The following NRXN1 variants were observed in gnomAD, a reference collection of about 807,000 sequenced individuals.
The protein encoded by NRXN1 is neurexin-1.
In NRXN1, 39 loss-of-function variants were observed where a neutral mutation model predicts 150.9. The ratio of observed to expected loss-of-function variants is 0.26; its 90% CI spans 0.20 to 0.34. The LOEUF is 0.34. Ranked by LOEUF, NRXN1 falls within the 10% of genes least tolerant of loss-of-function variation. The probability of loss-of-function intolerance (pLI) is 1.00; values close to 1 mark genes in which losing one functional copy is unlikely to be tolerated. For missense variants in NRXN1, 1,815 were observed against 1,949.9 expected (o/e 0.93, Z 1.30); for synonymous variants, 924 against 757.0 (o/e 1.22, Z -3.62).
chr2:50,369,290 A>T (rs2079833632), intron 17 of NRXN1, among the ~76,000 whole-genome samples: 1 of 152,052 alleles, frequency 6.6e-6, no homozygotes, highest in South Asian at 2.1e-4. Context: ...AATGTGTATT[A>T]TATATAGCCT....
At chr2:50,145,668 G>A (rs1344001846) in intron 18 of NRXN1, among the ~76,000 whole-genome samples, 1 of 151,658 alleles carries the variant, frequency 6.6e-6, no homozygotes, top group Non-Finnish European at 1.5e-5. Context: ...CAAATGGCTT[G>A]AGTGTGACAA....
At chr2:50,249,934 G>A (rs1427763695) in intron 17 of NRXN1, among the ~76,000 whole-genome samples, 1 of 151,978 alleles carries the variant, frequency 6.6e-6, no homozygotes, top group Non-Finnish European at 1.5e-5. Flanking sequence ...CACCGTGCCT[G>A]GCCCAGATTT....
intron 5 of NRXN1, among the ~76,000 whole-genome samples, chr2:50,652,646 A>G (rs1232666504): frequency 6.6e-6 from 1 of 152,066 alleles, no homozygotes; most frequent in Non-Finnish European, 1.5e-5. Flanking sequence ...TGCTGCTGCT[A>G]TGCTGTGAAC....
chr2:50,588,462 G>T (rs924691137), intron 8 of NRXN1, among the ~76,000 whole-genome samples: 1 of 152,060 alleles, frequency 6.6e-6, no homozygotes, highest in East Asian at 1.9e-4. Flanking sequence ...TGACAGTATA[G>T]GAAGTAACTA....
chr2:50,383,693 C>G (rs1311739056), intron 17 of NRXN1, among the ~76,000 whole-genome samples: 2 of 152,130 alleles, frequency 1.3e-5, no homozygotes, highest in Non-Finnish European at 2.9e-5. Context: ...CTGGTACTCC[C>G]TGAAAATAAT....
At chr2:50,987,235 A>G (rs1279488539) in intron 2 of NRXN1, among the ~76,000 whole-genome samples, 1 of 151,986 alleles carries the variant, frequency 6.6e-6, no homozygotes. Flanking sequence ...CCAATTTTAA[A>G]GATTTTCTAT....
At chr2:50,728,864 G>C (rs966651760) in intron 5 of NRXN1, among the ~76,000 whole-genome samples, 2 of 152,160 alleles carry the variant, frequency 1.3e-5, no homozygotes, top group Non-Finnish European at 2.9e-5. Flanking sequence ...TATAGAGCTA[G>C]TGTATTTACC....
chr2:50,173,831 G>T (rs1006981297), intron 18 of NRXN1, among the ~76,000 whole-genome samples: 4 of 152,134 alleles, frequency 2.6e-5, no homozygotes, highest in Admixed American at 2.6e-4. Context: ...GTAACAAGTA[G>T]TCCTAAATCA....
chr2:50,335,600 T>C (rs2077132500), intron 17 of NRXN1, among the ~76,000 whole-genome samples: 1 of 152,174 alleles, frequency 6.6e-6, no homozygotes, highest in African/African-American at 2.4e-5. Context: ...GAAAAAAATA[T>C]TCAACACTAA....
At chr2:50,015,041 T>G (rs988534091) in intron 21 of NRXN1, among the ~76,000 whole-genome samples, 3 of 152,184 alleles carry the variant, frequency 2.0e-5, no homozygotes, top group African/African-American at 7.2e-5. Context: ...TTTTGTTGTA[T>G]CTAACCTTAA....
intron 17 of NRXN1, among the ~76,000 whole-genome samples, chr2:50,406,006 G>C (rs995236117): frequency 6.6e-6 from 1 of 152,132 alleles, no homozygotes; most frequent in African/African-American, 2.4e-5. Flanking sequence ...ATTTGTCCAA[G>C]ATCATGCAGC....
intron 17 of NRXN1, among the ~76,000 whole-genome samples, chr2:50,272,902 T>C (rs1351936108): frequency 6.6e-6 from 1 of 151,926 alleles, no homozygotes; most frequent in East Asian, 1.9e-4. Flanking sequence ...AAAAATGAAT[T>C]TGTAATACAT....
intron 18 of NRXN1, chr2:50,207,750 T>G (rs1484506154): frequency 6.0e-6 from 1 of 167,326 alleles, no homozygotes; most frequent in African/African-American, 2.4e-5. Flanking sequence ...TTCTAATAAT[T>G]GTTCTAATCC....
chr2:50,920,047 C>G (rs760606047), intron 5 of NRXN1: 2 of 360,186 alleles, frequency 5.6e-6, no homozygotes, highest in Non-Finnish European at 1.2e-5. Flanking sequence ...TCTCATTTCT[C>G]TACATCTAAT....
At chr2:50,887,464 C>T (rs1271752871) in intron 5 of NRXN1, among the ~76,000 whole-genome samples, 2 of 151,388 alleles carry the variant, frequency 1.3e-5, no homozygotes, top group Admixed American at 6.6e-5. Context: ...ATGAAAAACT[C>T]CTGGTACATT....
chr2:50,511,722 G>A (rs773995840), intron 12 of NRXN1, among the ~76,000 whole-genome samples: 18 of 152,208 alleles, frequency 1.2e-4, no homozygotes, highest in East Asian at 3.9e-4. Context: ...GCATGGTACC[G>A]ACAGAGGAAA....
intron 18 of NRXN1, among the ~76,000 whole-genome samples, chr2:50,236,219 A>G (rs2065402100): frequency 6.6e-6 from 1 of 152,084 alleles, no homozygotes; most frequent in Non-Finnish European, 1.5e-5. Flanking sequence ...TGTAAGTGGT[A>G]ATTATGAATT....
rs180876013 is a variant in NRXN1 at position 50,836,640 on chromosome 2, T to C, written c.832+85229A>G. On this transcript the variant is annotated intron_variant, in intron 5 of 22. Coordinates refer to ENST00000401669, the MANE Select transcript of NRXN1 (RefSeq NM_001330078.2). ...CCGATTTCATCCAAGTTGTCAAAAA[T>C]GACAGGATTTCCTCCCCTTTTAAGG... 4.6e-5 allele frequency among the ~76,000 whole-genome samples: 7 copies of C among 152,206 alleles called. No homozygotes were observed. In the East Asian group the frequency reaches 1.2e-3, roughly 25 times the overall value.
At chr2:50,136,751 C>A (rs1706470873) in intron 18 of NRXN1, among the ~76,000 whole-genome samples, 1 of 152,170 alleles carries the variant, frequency 6.6e-6, no homozygotes, top group Non-Finnish European at 1.5e-5. Flanking sequence ...TAACCAAAAT[C>A]CATTATCTAA....
Sources: allele counts gnomAD v4.1 joint callset (sites outside exome capture counted in the v4.1 genomes callset), GRCh38; gene constraint gnomAD v4.1.1; transcripts MANE v1.5; gene names NCBI Gene and HGNC (gene_info 2026-07-23, HGNC 2026-07-21).